KCTD16: variants seen among roughly 807,000 people sequenced by gnomAD.
KCTD16 encodes the protein potassium channel tetramerization domain containing 16.
KCTD16 carries 13 observed loss-of-function variants against 33.2 expected under a neutral mutation model. The observed-to-expected ratio is 0.39, with a 90% CI of 0.25 to 0.62. The LOEUF (loss-of-function observed/expected upper bound fraction) is 0.62. Ranked by LOEUF, KCTD16 falls within the 20% of genes least tolerant of loss-of-function variation. The pLI is 0.50. For missense variants in KCTD16, 441 were observed against 525.1 expected, an observed-to-expected ratio of 0.84 and a Z score of 1.57; for synonymous variants, 197 against 195.3, an observed-to-expected ratio of 1.01 and a Z score of -0.07.
chr5:144,400,397 T>C (rs921032805), intron 3 of KCTD16, among the ~76,000 whole-genome samples: 1 of 152,116 alleles, frequency 6.6e-6, no homozygotes. Context: ...AACATAAAAC[T>C]TGCATCAGAA....
At chr5:144,231,153 G>A (rs1754089891) in intron 3 of KCTD16, among the ~76,000 whole-genome samples, 1 of 152,134 alleles carries the variant, frequency 6.6e-6, no homozygotes, top group African/African-American at 2.4e-5. Context: ...TTCGATGTTA[G>A]TTAAATTCAT....
chr5:144,323,115 C>A (rs555575147), intron 3 of KCTD16, among the ~76,000 whole-genome samples: 14 of 152,154 alleles, frequency 9.2e-5, no homozygotes, highest in Admixed American at 6.6e-4. Flanking sequence ...GATAGAACTG[C>A]AAATGCAAAC....
At chr5:144,191,857 G>A (rs566796775) in intron 2 of KCTD16, among the ~76,000 whole-genome samples, 5 of 151,560 alleles carry the variant, frequency 3.3e-5, no homozygotes, top group African/African-American at 1.2e-4. Context: ...ATAAACTTTA[G>A]GCCTTTTCTG....
In KCTD16 at chr5:144,324,586, A is replaced by G. The variant is rs148358444; in HGVS notation, c.832+117040A>G. 3.3e-3 allele frequency among the ~76,000 whole-genome samples: 506 copies of G among 152,330 alleles called. 1 individual carries two copies. The highest frequency in any genetic ancestry group is 0.012 in the African/African-American group (485 of 41,568). On this transcript the variant is annotated intron_variant, in intron 3 of 3. Transcript: ENST00000512467. ...AATCCCATTACTGGTTATATACCCA[A>G]AGGAATATACATCATTCTATTATAA...
chr5:144,229,777 T>C lies in KCTD16; in HGVS notation c.832+22231T>C, dbSNP rs150598626. Among the ~76,000 whole-genome samples the C allele has an allele frequency of 2.2e-4, 33 of 152,290 alleles. No homozygotes were observed. The East Asian group carries it at 6.4e-3, about 29-fold the overall frequency. On this transcript the variant is annotated intron_variant, in intron 3 of 3. Coordinates refer to ENST00000512467, the MANE Select transcript of KCTD16 (RefSeq NM_020768.4). ...GCCAATGAAAAGGAGTTGGGAGATTTTCAAATGTTTTGTGTCATTCGCTAA... is the reference window on the plus strand; with the variant it reads ...GCCAATGAAAAGGAGTTGGGAGATTCTCAAATGTTTTGTGTCATTCGCTAA...
At chr5:144,428,373 A>T (rs12518351) in intron 3 of KCTD16, among the ~76,000 whole-genome samples, 15 of 152,182 alleles carry the variant, frequency 9.9e-5, no homozygotes, top group Admixed American at 9.8e-4. Context: ...TTTTTATACC[A>T]TAACTTGGTA....
At chr5:144,230,516 A>G (rs1319670759) in intron 3 of KCTD16, among the ~76,000 whole-genome samples, 1 of 152,206 alleles carries the variant, frequency 6.6e-6, no homozygotes, top group East Asian at 1.9e-4. Context: ...GAAAGAACAA[A>G]TGCATGGTTA....
chr5:144,226,879 A>G (rs754436760), intron 3 of KCTD16, among the ~76,000 whole-genome samples: 1 of 152,126 alleles, frequency 6.6e-6, no homozygotes, highest in African/African-American at 2.4e-5. Flanking sequence ...GGCCAAATCT[A>G]TTTCTTTATG....
chr5:144,317,408 A>G (rs1238117388), intron 3 of KCTD16, among the ~76,000 whole-genome samples: 2 of 152,188 alleles, frequency 1.3e-5, no homozygotes, highest in African/African-American at 4.8e-5. Context: ...TCACCTAGCT[A>G]CTTATTCAAC....
intron 3 of KCTD16, among the ~76,000 whole-genome samples, chr5:144,254,380 G>A (rs564446367): frequency 3.8e-4 from 57 of 151,760 alleles, no homozygotes; most frequent in African/African-American, 1.4e-3. Context: ...CCTGGCAAAT[G>A]CATATTCTAA....
chr5:144,288,894 T>C (rs1304757843), intron 3 of KCTD16, among the ~76,000 whole-genome samples: 2 of 152,160 alleles, frequency 1.3e-5, no homozygotes, highest in African/African-American at 4.8e-5. Flanking sequence ...CACATGCCTG[T>C]AATCCCAGAC....
At chr5:144,253,039 G>C (rs530827636) in intron 3 of KCTD16, among the ~76,000 whole-genome samples, 2 of 151,890 alleles carry the variant, frequency 1.3e-5, no homozygotes, top group African/African-American at 2.4e-5. Context: ...TCTTAATAAA[G>C]TGAGTAGTGT....
intron 3 of KCTD16, among the ~76,000 whole-genome samples, chr5:144,446,530 T>A (rs992225512): frequency 6.6e-6 from 1 of 151,698 alleles, no homozygotes; most frequent in African/African-American, 2.4e-5. Context: ...CAAAAGCAAT[T>A]GCAACAAAAG....
At chr5:144,404,759 C>T (rs1752775821) in intron 3 of KCTD16, among the ~76,000 whole-genome samples, 1 of 152,070 alleles carries the variant, frequency 6.6e-6, no homozygotes, top group African/African-American at 2.4e-5. Context: ...GGCAGGTTTG[C>T]TTGGTGGGGA....
At chr5:144,437,372 A>G (rs1439996648) in intron 3 of KCTD16, among the ~76,000 whole-genome samples, 1 of 152,176 alleles carries the variant, frequency 6.6e-6, no homozygotes, top group Non-Finnish European at 1.5e-5. Flanking sequence ...GGATGGGTTA[A>G]TAGTGTGGAT....
intron 3 of KCTD16, among the ~76,000 whole-genome samples, chr5:144,209,508 T>G (rs891253708): frequency 6.6e-6 from 1 of 152,062 alleles, no homozygotes; most frequent in African/African-American, 2.4e-5. Context: ...TTCCCCTTTG[T>G]ACCCACCATC....
At chr5:144,304,680 G>C (rs1248933548) in intron 3 of KCTD16, among the ~76,000 whole-genome samples, 1 of 152,182 alleles carries the variant, frequency 6.6e-6, no homozygotes, top group Non-Finnish European at 1.5e-5. Flanking sequence ...GCACCGTCCA[G>C]TGGCAAAATG....
At chr5:144,423,599 A>T (rs927763373) in intron 3 of KCTD16, among the ~76,000 whole-genome samples, 1 of 152,170 alleles carries the variant, frequency 6.6e-6, no homozygotes, top group African/African-American at 2.4e-5. Context: ...CTTACAATGC[A>T]CAGGACAACC....
chr5:144,257,884 C>T (rs1190764150), intron 3 of KCTD16, among the ~76,000 whole-genome samples: 1 of 152,108 alleles, frequency 6.6e-6, no homozygotes, highest in African/African-American at 2.4e-5. Context: ...CATTAACTAC[C>T]AGTACCACCA....
Sources: gnomAD v4.1 joint callset for allele counts (sites outside exome capture counted in the v4.1 genomes callset) on GRCh38, gnomAD v4.1.1 for gene constraint, MANE v1.5 for transcripts, NCBI Gene and HGNC (gene_info 2026-07-23, HGNC 2026-07-21) for gene names.